Variants in CORIN observed in about 807,000 individuals in gnomAD.
The protein encoded by CORIN is corin, serine peptidase, also known as atrial natriuretic peptide-converting enzyme.
Under a neutral mutation model 125.3 loss-of-function variants are expected in CORIN, and 117 were observed. That is an observed-to-expected ratio of 0.93 (90% CI 0.80 to 1.09). The LOEUF is 1.09. Ranked by LOEUF, CORIN falls within the 50% of genes least tolerant of loss-of-function variation. The pLI, the probability that CORIN is intolerant of heterozygous loss-of-function variation, is 0.00. For synonymous variants in CORIN, 450 were observed against 466.4 expected, an observed-to-expected ratio of 0.96 and a Z score of 0.45; for missense variants, 1,253 against 1,306.7, an observed-to-expected ratio of 0.96 and a Z score of 0.63.
chr4:47,616,186 TCTGGG>T lies in CORIN; in HGVS notation c.2540+7380_2540+7384del, dbSNP rs1257960467. Reference sequence around the variant, plus strand: ...GTGGGTGGTGGTGATTGGGTGGAAATCTGGGCTGGGCTGGAGATATAAATTTAAAA... The same window carrying T: ...GTGGGTGGTGGTGATTGGGTGGAAATCTGGGCTGGAGATATAAATTTAAAA... On this transcript the variant is annotated intron_variant, in intron 19 of 21. Transcript: ENST00000273857. Among the ~76,000 whole-genome samples the T allele has an allele frequency of 7.9e-4, 121 of 152,220 alleles. 3 individuals are homozygous for T. The highest frequency in any genetic ancestry group is 7.9e-3 in the Admixed American group (120 of 15,286).
At chr4:47,835,265 A>C (rs1405063055) in intron 1 of CORIN, among the ~76,000 whole-genome samples, 1 of 152,188 alleles carries the variant, frequency 6.6e-6, no homozygotes, top group Non-Finnish European at 1.5e-5. Context: ...GTCCAGCAAA[A>C]TGGAATGCCA....
At chr4:47,719,089 G>C (rs1284946562) in intron 5 of CORIN, among the ~76,000 whole-genome samples, 3 of 152,124 alleles carry the variant, frequency 2.0e-5, no homozygotes, top group African/African-American at 7.2e-5. Context: ...CTGAATTTCA[G>C]GGACCTGCAA....
chr4:47,777,894 A>C (rs553149238), intron 3 of CORIN, among the ~76,000 whole-genome samples: 1 of 152,352 alleles, frequency 6.6e-6, no homozygotes, highest in Non-Finnish European at 1.5e-5. Flanking sequence ...ACAAATACTT[A>C]AAACCTGAGA....
intron 4 of CORIN, among the ~76,000 whole-genome samples, chr4:47,752,285 C>G (rs190926063): frequency 6.6e-6 from 1 of 152,296 alleles, no homozygotes; most frequent in Admixed American, 6.5e-5. Context: ...TACTGCCTAT[C>G]TCTCACCGGC....
chr4:47,787,969 C>A (rs1322585664), intron 2 of CORIN, among the ~76,000 whole-genome samples: 3 of 152,306 alleles, frequency 2.0e-5, no homozygotes, highest in East Asian at 3.9e-4. Context: ...AAACAAAGAA[C>A]CAAACCTAAG....
intron 10 of CORIN, among the ~76,000 whole-genome samples, chr4:47,669,266 T>C (rs1048504255): frequency 6.6e-6 from 1 of 152,210 alleles, no homozygotes; most frequent in Non-Finnish European, 1.5e-5. Flanking sequence ...TATATCGTTA[T>C]GATGTGATAC....
At chr4:47,770,049 ACAGT>A (rs1729951716) in intron 3 of CORIN, among the ~76,000 whole-genome samples, 1 of 152,196 alleles carries the variant, frequency 6.6e-6, no homozygotes, top group South Asian at 2.1e-4. Flanking sequence ...TTCCCAGGAA[ACAGT>A]CAGCACAGCA....
chr4:47,603,291 C>T (rs1721518808), intron 20 of CORIN, 106 bp downstream of exon 20: 1 of 1,199,124 alleles, frequency 8.3e-7, no homozygotes, highest in Non-Finnish European at 1.2e-6. Context: ...GAGGCCTCCC[C>T]ATCCCTGCAG....
At chr4:47,740,200 T>C (rs1191377398) in intron 5 of CORIN, among the ~76,000 whole-genome samples, 2 of 151,964 alleles carry the variant, frequency 1.3e-5, no homozygotes, top group Non-Finnish European at 2.9e-5. Context: ...CACAAATAGG[T>C]TGTAAGCTCA....
In CORIN at chr4:47,768,109, G is replaced by A. The variant is rs921110902; in HGVS notation, c.410-4523C>T. ...ACCCCGGCTCAAAAGCTCCCCCACT[G>A]AGCACCTTGTGACCCCCATCCCTGC... is the stretch of plus-strand genomic sequence containing the variant. On this transcript the variant is annotated intron_variant, in intron 3 of 21. Coordinates refer to ENST00000273857, the MANE Select transcript of CORIN (RefSeq NM_006587.4). 1.4e-4 allele frequency among the ~76,000 whole-genome samples: 22 copies of A among 152,050 alleles called. 1 individual carries two copies. The highest frequency in any genetic ancestry group is 3.1e-4 in the Non-Finnish European group (21 of 68,006).
intron 16 of CORIN, among the ~76,000 whole-genome samples, chr4:47,633,002 G>A (rs1722901733): frequency 6.6e-6 from 1 of 152,046 alleles, no homozygotes; most frequent in African/African-American, 2.4e-5. Context: ...GGCTGGTCTC[G>A]AACTCCTGAC....
At chr4:47,776,510 C>T (rs1033515054) in intron 3 of CORIN, among the ~76,000 whole-genome samples, 1 of 152,204 alleles carries the variant, frequency 6.6e-6, no homozygotes, top group Admixed American at 6.5e-5. Flanking sequence ...TATATGGTAA[C>T]ATAGTTACTG....
chr4:47,675,455 T>C (rs1230529171), intron 9 of CORIN, among the ~76,000 whole-genome samples: 1 of 152,218 alleles, frequency 6.6e-6, no homozygotes, highest in Admixed American at 6.5e-5. Context: ...ACTCTTTTTT[T>C]AATGTCAGCA....
intron 1 of CORIN, among the ~76,000 whole-genome samples, chr4:47,821,662 C>A (rs1448129396): frequency 6.6e-6 from 1 of 152,014 alleles, no homozygotes; most frequent in African/African-American, 2.4e-5. Context: ...CGTCTTTCCA[C>A]AGTTGGTATT....
chr4:47,792,679 T>C (rs1244665319), intron 2 of CORIN, among the ~76,000 whole-genome samples: 1 of 152,222 alleles, frequency 6.6e-6, no homozygotes, highest in Non-Finnish European at 1.5e-5. Flanking sequence ...TTGCATTCTC[T>C]GGCCTCTTGA....
chr4:47,677,434 C>A (rs903911254), intron 9 of CORIN, among the ~76,000 whole-genome samples: 5 of 152,174 alleles, frequency 3.3e-5, no homozygotes, highest in Admixed American at 2.6e-4. Flanking sequence ...TCTTTTCTGA[C>A]AGAAATAGTT....
At chr4:47,819,917 C>A (rs1004556768) in intron 1 of CORIN, among the ~76,000 whole-genome samples, 3 of 152,152 alleles carry the variant, frequency 2.0e-5, no homozygotes, top group African/African-American at 7.2e-5. Context: ...CAGAATGCTA[C>A]CAAATACAGA....
intron 5 of CORIN, among the ~76,000 whole-genome samples, chr4:47,735,858 G>A (rs921783212): frequency 1.3e-5 from 2 of 149,556 alleles, no homozygotes; most frequent in Admixed American, 6.7e-5. Flanking sequence ...CCCGGGAGGC[G>A]AAGCTTGCAG....
intron 9 of CORIN, 80 bp downstream of exon 9, chr4:47,677,858 G>C: frequency 1.0e-6 from 1 of 1,002,526 alleles, no homozygotes. Flanking sequence ...TCCTACTTAA[G>C]CAACTTCAAA....
Sources: allele counts gnomAD v4.1 joint callset (sites outside exome capture counted in the v4.1 genomes callset), GRCh38; gene constraint gnomAD v4.1.1; transcripts MANE v1.5; gene names NCBI Gene and HGNC (gene_info 2026-07-23, HGNC 2026-07-21).